The following BCAP29 variants were observed in gnomAD, a reference collection of about 807,000 sequenced individuals.
The protein encoded by BCAP29 is B-cell receptor-associated protein 29.
In BCAP29, 34 loss-of-function variants were observed where a neutral mutation model predicts 31.8. The observed-to-expected ratio is 1.07, with a 90% CI of 0.81 to 1.42. The LOEUF is 1.42. Ranked by LOEUF, BCAP29 falls within the 40% of genes most tolerant of loss-of-function variation. BCAP29 has a pLI of 0.00. For synonymous variants in BCAP29, 104 were observed against 91.3 expected, an observed-to-expected ratio of 1.14 and a Z score of -0.79; for missense variants, 314 against 269.2, an observed-to-expected ratio of 1.17 and a Z score of -1.16.
intron 6 of BCAP29, among the ~76,000 whole-genome samples, chr7:107,601,304 G>T (rs1287973284): frequency 6.6e-6 from 1 of 152,106 alleles, no homozygotes; most frequent in Non-Finnish European, 1.5e-5. Context: ...CTTTCAGTTG[G>T]TGTTAAGGTA....
intron 4 of BCAP29, among the ~76,000 whole-genome samples, chr7:107,595,537 C>CA (rs945640975): frequency 7.3e-5 from 11 of 151,702 alleles, no homozygotes; most frequent in Non-Finnish European, 1.2e-4. Context: ...TGAACTGGGC[C>CA]AAAAAAAATA....
At chr7:107,618,283 G>GT in intron 7 of BCAP29, 45 bp from the exon 8 acceptor site, 5 of 1,367,178 alleles carry the variant, frequency 3.7e-6, no homozygotes, top group Non-Finnish European at 5.0e-6. Flanking sequence ...CTATGAATCT[G>GT]TTTCTCTTTG....
chr7:107,614,990 G>C (rs1813856918), intron 7 of BCAP29, among the ~76,000 whole-genome samples: 1 of 152,192 alleles, frequency 6.6e-6, no homozygotes, highest in Admixed American at 6.5e-5. Context: ...TGTGAGATTA[G>C]GGTTTACTCA....
rs547384128 is a variant in BCAP29 at position 107,611,101 on chromosome 7, TCTCTGGGGC to T, written c.590-2226_590-2218del. On this transcript the variant is annotated intron_variant, in intron 6 of 7. Coordinates refer to ENST00000005259, the MANE Select transcript of BCAP29 (RefSeq NM_018844.4). ...CACATAATGGAAAGGGAAAGGCAGC[TCTCTGGGGC>T]CTCTTTTTATTAGTGCACGAATCCC... Among the ~76,000 whole-genome samples, 44 of 152,234 alleles carry T rather than the reference TCTCTGGGGC, an allele frequency of 2.9e-4. No homozygotes were observed. In the East Asian group the frequency reaches 7.9e-3, roughly 27 times the overall value.
intron 7 of BCAP29, chr7:107,615,414 G>A (rs1399416655): frequency 6.9e-6 from 3 of 432,230 alleles, no homozygotes; most frequent in Non-Finnish European, 1.4e-5. Context: ...GGCTAACAAG[G>A]TGAAACCCTG....
rs190720527 is a variant in BCAP29 at position 107,593,025 on chromosome 7, A to C, written c.194-930A>C. ...TTGTGAATATACTAAAAACTACTGA[A>C]TTATACATTTTAAAGAGGTAAATTT... is the stretch of plus-strand genomic sequence containing the variant. On this transcript the variant is annotated intron_variant, in intron 3 of 7. Transcript: ENST00000005259. Among the ~76,000 whole-genome samples, 19 of 152,320 alleles carry C rather than the reference A, an allele frequency of 1.2e-4. No individual in the cohort carries two copies. The East Asian group carries it at 3.5e-3, about 28-fold the overall frequency.
At chr7:107,592,541 A>C (rs972624322) in intron 3 of BCAP29, among the ~76,000 whole-genome samples, 7 of 152,262 alleles carry the variant, frequency 4.6e-5, no homozygotes, top group Admixed American at 3.9e-4. Flanking sequence ...CTCAAAAATT[A>C]AACATAGAGT....
At chr7:107,615,329 T>G in intron 7 of BCAP29, 1 of 456,686 alleles carries the variant, frequency 2.2e-6, no homozygotes, top group Non-Finnish European at 4.4e-6. Context: ...CTGAGCGTGG[T>G]GGCTCACACC....
At chr7:107,582,442 A>G (rs573475089) in intron 2 of BCAP29, among the ~76,000 whole-genome samples, 3 of 152,310 alleles carry the variant, frequency 2.0e-5, no homozygotes, top group East Asian at 1.9e-4. Flanking sequence ...TTGTATCACC[A>G]TAATCTTTAA....
At chr7:107,623,244 C>T (rs939429745), downstream of BCAP29, 1 of 152,146 alleles carries the variant, frequency 6.6e-6, no homozygotes, top group Admixed American at 6.5e-5. Context: ...TATGTTTGTC[C>T]TATGCAGCAC....
chr7:107,580,787 G>C lies in BCAP29; in HGVS notation c.15G>C (p.Trp5Cys). 1 of 1,598,778 alleles carries C rather than the reference G, an allele frequency of 6.3e-7. No homozygotes were observed. The highest frequency in any genetic ancestry group is 8.5e-7 in the Non-Finnish European group (1 of 1,173,856). MTLQ[W>C]AAVATFLYAE... ...TGAAGAAAAAAATGACACTCCAATG[G>C]GCTGCAGTGGCAACCTTTCTTTATG... The change falls in exon 2 of 8, where the codon TGG (tryptophan) becomes TGC (cysteine). Residue 5 changes from tryptophan (W) to cysteine (C), a missense_variant. Transcript: ENST00000005259.
chr7:107,587,469 T>A (rs1401788350), intron 3 of BCAP29: 1 of 152,216 alleles, frequency 6.6e-6, no homozygotes, highest in East Asian at 1.9e-4. Context: ...GGAAGATGAA[T>A]CACGAAGCAT....
At chr7:107,591,580 A>C (rs1483573915) in intron 3 of BCAP29, among the ~76,000 whole-genome samples, 1 of 131,956 alleles carries the variant, frequency 7.6e-6, no homozygotes, top group African/African-American at 3.0e-5. Context: ...ATAAATCTCG[A>C]GCTCTCTCTC....
chr7:107,612,785 A>C (rs1201337042), intron 6 of BCAP29, among the ~76,000 whole-genome samples: 1 of 152,134 alleles, frequency 6.6e-6, no homozygotes, highest in Non-Finnish European at 1.5e-5. Flanking sequence ...AGAACATTCT[A>C]TCTAAAAAGT....
At chr7:107,585,256 C>G (rs1255170733) in intron 3 of BCAP29, among the ~76,000 whole-genome samples, 1 of 152,110 alleles carries the variant, frequency 6.6e-6, no homozygotes, top group Non-Finnish European at 1.5e-5. Context: ...CTTCCATGTT[C>G]CAAACCACCA....
At chr7:107,607,661 G>C (rs1380207564) in intron 6 of BCAP29, among the ~76,000 whole-genome samples, 1 of 132,618 alleles carries the variant, frequency 7.5e-6, no homozygotes, top group Non-Finnish European at 1.6e-5. Flanking sequence ...TTCCGAGACA[G>C]ATTCTCCCTT....
chr7:107,595,382 C>CTGAGTAAAGGAATGTCTGCTGAA (rs1423581047), intron 4 of BCAP29, among the ~76,000 whole-genome samples: 3 of 152,154 alleles, frequency 2.0e-5, no homozygotes, highest in African/African-American at 7.2e-5. Context: ...TTAGCAGTTC[C>CTGAGTAAAGGAATGTCTGCTGAA]TGAGTAAAGG....
chr7:107,583,861 TATA>T lies in BCAP29; in HGVS notation c.93-18_93-16del. The T allele has an allele frequency of 7.5e-7, 1 of 1,324,536 alleles. No individual in the cohort carries two copies. 82.0% of individuals were successfully genotyped at this position (1,324,536 alleles called of 1,614,324 possible). On this transcript the variant is annotated intron_variant, in intron 2 of 7. Transcript: ENST00000005259. ...TTTATTTTAGTTTTTTTATACCTAA[TATA>T]ATTGTATTGCTTTACAGATGGCAGA...
At chr7:107,621,797 A>G (rs763016766), downstream of BCAP29, 2 of 486,550 alleles carry the variant, frequency 4.1e-6, no homozygotes, top group East Asian at 6.2e-5. Context: ...GCATGGCCCT[A>G]CAGATACCGA....
Sources: gnomAD v4.1 joint callset for allele counts (sites outside exome capture counted in the v4.1 genomes callset) on GRCh38, gnomAD v4.1.1 for gene constraint, MANE v1.5 for transcripts, NCBI Gene and HGNC (gene_info 2026-07-23, HGNC 2026-07-21) for gene names.